The following CDIN1 variants were observed in gnomAD, a reference collection of about 807,000 sequenced individuals.
CDIN1 encodes the protein CDAN1 interacting nuclease 1.
In CDIN1, 33 loss-of-function variants were observed where a neutral mutation model predicts 45.3. That is an observed-to-expected ratio of 0.73 (90% CI 0.55 to 0.97). The LOEUF (loss-of-function observed/expected upper bound fraction) is 0.97. Ranked by LOEUF, CDIN1 falls within the 50% of genes least tolerant of loss-of-function variation. The pLI, the probability that CDIN1 is intolerant of heterozygous loss-of-function variation, is 0.00. For missense variants in CDIN1, 303 were observed against 339.4 expected, an observed-to-expected ratio of 0.89 and a Z score of 0.84; for synonymous variants, 118 against 124.4, an observed-to-expected ratio of 0.95 and a Z score of 0.34.
At chr15:36,581,579 A>G (rs528887743) in intron 1 of CDIN1, among the ~76,000 whole-genome samples, 1 of 152,376 alleles carries the variant, frequency 6.6e-6, no homozygotes, top group Admixed American at 6.5e-5. Context: ...AAAAGAAGGG[A>G]TTAAAGAGCT....
At chr15:36,684,088 C>G (rs1245441595) in intron 5 of CDIN1, among the ~76,000 whole-genome samples, 1 of 151,448 alleles carries the variant, frequency 6.6e-6, no homozygotes, top group African/African-American at 2.4e-5. Flanking sequence ...CCTAATTGCC[C>G]TGGCCAGAAC....
intron 5 of CDIN1, among the ~76,000 whole-genome samples, chr15:36,690,238 C>T (rs1460824769): frequency 6.6e-6 from 1 of 151,926 alleles, no homozygotes; most frequent in African/African-American, 2.4e-5. Flanking sequence ...GATGTAATTT[C>T]CTTATTTATT....
chr15:36,605,614 T>G (rs2038326225), intron 1 of CDIN1, among the ~76,000 whole-genome samples: 1 of 152,232 alleles, frequency 6.6e-6, no homozygotes, highest in Non-Finnish European at 1.5e-5. Context: ...ATCACTTGGT[T>G]TCCAAGGTCT....
At chr15:36,758,056 G>A (rs551469118) in intron 10 of CDIN1, among the ~76,000 whole-genome samples, 32 of 151,770 alleles carry the variant, frequency 2.1e-4, no homozygotes, top group Non-Finnish European at 4.1e-4. Context: ...TACATATAGC[G>A]TCTGGTACTA....
chr15:36,709,296 C>A lies in CDIN1; in HGVS notation c.610+8C>A. ...TTTTACAAGTACCAGTTGGTAAGTT[C>A]TTTAACTCTGTTATGCATTTGTTTT... On this transcript the variant is annotated splice_region_variant and intron_variant, in intron 9 of 10. Transcript: ENST00000566621. 2 of 1,597,170 alleles carry A rather than the reference C, an allele frequency of 1.3e-6. No individual in the cohort carries two copies. Among genetic ancestry groups the A allele is most frequent in the Non-Finnish European group, 1.7e-6 (2 of 1,171,242 alleles).
At chr15:36,774,159 TGTGTGCGC>T (rs2054153069) in intron 10 of CDIN1, among the ~76,000 whole-genome samples, 2 of 42,394 alleles carry the variant, frequency 4.7e-5, no homozygotes, top group African/African-American at 8.6e-5. Context: ...TGTGTGTGTG[TGTGTGCGC>T]GCGCGCGCAT....
chr15:36,600,006 A>T (rs934521950), intron 1 of CDIN1, among the ~76,000 whole-genome samples: 3 of 152,230 alleles, frequency 2.0e-5, no homozygotes, highest in African/African-American at 7.2e-5. Context: ...TTGGGCTCAG[A>T]GATCTGACAA....
chr15:36,692,120 C>T lies in CDIN1; in HGVS notation c.427-6C>T. The T allele has an allele frequency of 6.2e-7, 1 of 1,613,588 alleles. No homozygotes were observed. The highest frequency in any genetic ancestry group is 8.5e-7 in the Non-Finnish European group (1 of 1,179,722). ...ACCCCAGACCCCTTTTCTTATTTGT[C>T]TGCAGTGCATTGTGAACGACTGCTG... On this transcript the variant is annotated splice_region_variant and splice_polypyrimidine_tract_variant and intron_variant, in intron 6 of 10. Coordinates refer to ENST00000566621, the MANE Select transcript of CDIN1 (RefSeq NM_001321759.2).
chr15:36,646,259 G>A (rs778056928), intron 3 of CDIN1, among the ~76,000 whole-genome samples: 17 of 152,146 alleles, frequency 1.1e-4, no homozygotes, highest in East Asian at 9.6e-4. Flanking sequence ...GTCATGTTTC[G>A]GTAATCATTT....
chr15:36,716,047 TAAG>T (rs2043205935), intron 10 of CDIN1, among the ~76,000 whole-genome samples: 1 of 152,122 alleles, frequency 6.6e-6, no homozygotes, highest in Admixed American at 6.6e-5. Context: ...ATATTCGTAA[TAAG>T]GAGACAATTG....
chr15:36,786,146 G>A (rs948791703), intron 10 of CDIN1, among the ~76,000 whole-genome samples: 1 of 152,198 alleles, frequency 6.6e-6, no homozygotes, highest in Non-Finnish European at 1.5e-5. Flanking sequence ...AAGCATGCAT[G>A]TCCTTAATAC....
At chr15:36,766,300 C>T (rs2053922792) in intron 10 of CDIN1, among the ~76,000 whole-genome samples, 1 of 152,144 alleles carries the variant, frequency 6.6e-6, no homozygotes, top group Admixed American at 6.5e-5. Flanking sequence ...TTTATCCAGT[C>T]AGCCATTAAC....
intron 10 of CDIN1, among the ~76,000 whole-genome samples, chr15:36,761,298 G>A (rs956705887): frequency 3.9e-5 from 6 of 152,094 alleles, no homozygotes; most frequent in African/African-American, 7.2e-5. Flanking sequence ...GATTGTTTCC[G>A]TTGTGCATAT....
chr15:36,596,806 A>G (rs1263188164), intron 1 of CDIN1, among the ~76,000 whole-genome samples: 1 of 152,104 alleles, frequency 6.6e-6, no homozygotes, highest in Non-Finnish European at 1.5e-5. Context: ...AAACAACAAC[A>G]ACAAAAAAAA....
intron 10 of CDIN1, among the ~76,000 whole-genome samples, chr15:36,776,623 G>T (rs1221243120): frequency 6.6e-6 from 1 of 152,196 alleles, no homozygotes. Context: ...TGTTTCTGCA[G>T]TATGCTTGTT....
intron 10 of CDIN1, among the ~76,000 whole-genome samples, chr15:36,806,400 C>T (rs1189721399): frequency 1.3e-5 from 2 of 152,182 alleles, no homozygotes; most frequent in Non-Finnish European, 2.9e-5. Flanking sequence ...TTTATTAAAT[C>T]TTTAAAATAC....
chr15:36,790,545 A>G (rs998485795), intron 10 of CDIN1, among the ~76,000 whole-genome samples: 15 of 152,230 alleles, frequency 9.9e-5, no homozygotes, highest in Admixed American at 4.6e-4. Context: ...TTCCCAACAC[A>G]TAGAAAGAAA....
intron 5 of CDIN1, among the ~76,000 whole-genome samples, chr15:36,667,203 GA>G (rs2041281508): frequency 1.3e-5 from 2 of 152,286 alleles, no homozygotes; most frequent in Admixed American, 1.3e-4. Context: ...TCCTTGCCTG[GA>G]CAAACTCATC....
chr15:36,686,562 T>TA lies in CDIN1; in HGVS notation c.347-5108dup, dbSNP rs1259228473. Among the ~76,000 whole-genome samples, 445 of 94,558 alleles carry TA rather than the reference T, an allele frequency of 4.7e-3. 2 individuals are homozygous for TA. Among genetic ancestry groups the TA allele is most frequent in the African/African-American group, 0.012 (301 of 25,276 alleles). The allele number at this position is 94,558 out of a possible 152,430, so 62.0% of individuals were successfully genotyped here. A position where few individuals can be genotyped will look rare whatever the true frequency, so the allele number is the denominator to read the frequency against. On this transcript the variant is annotated intron_variant, in intron 5 of 10. Coordinates refer to ENST00000566621, the MANE Select transcript of CDIN1 (RefSeq NM_001321759.2). ...TACCCTAAAACTTAAAGTATAATAA[T>TA]AAAAAAAAAAAAAAAGAAAAAGAAA...
Sources: allele counts gnomAD v4.1 joint callset (sites outside exome capture counted in the v4.1 genomes callset), GRCh38; gene constraint gnomAD v4.1.1; transcripts MANE v1.5; gene names NCBI Gene and HGNC (gene_info 2026-07-23, HGNC 2026-07-21).